Variants in KLHL1 observed in about 807,000 individuals in gnomAD.
KLHL1 encodes the protein kelch-like protein 1.
Under a neutral mutation model 77.7 loss-of-function variants are expected in KLHL1, and 47 were observed. The observed-to-expected ratio is 0.60, with a 90% confidence interval of 0.48 to 0.77. KLHL1 has a LOEUF of 0.77. KLHL1 is among the 30% of genes least tolerant of loss of function. KLHL1 has a pLI of 0.00. For synonymous variants in KLHL1, 360 were observed against 325.2 expected (o/e 1.11, Z -1.15); for missense variants, 925 against 910.8 (o/e 1.02, Z -0.20).
intron 6 of KLHL1, 98 bp from the exon 7 acceptor site, chr13:69,797,060 C>T (rs1877140123): frequency 1.1e-6 from 1 of 938,178 alleles, no homozygotes; most frequent in South Asian, 1.6e-5. Flanking sequence ...ACACTCTTGT[C>T]ATATTCATTT....
At chr13:70,011,395 C>T (rs1885530614) in intron 1 of KLHL1, among the ~76,000 whole-genome samples, 1 of 152,058 alleles carries the variant, frequency 6.6e-6, no homozygotes, top group Non-Finnish European at 1.5e-5. Context: ...TATACCTGGA[C>T]CAGATAGTAA....
intron 1 of KLHL1, among the ~76,000 whole-genome samples, chr13:70,106,398 G>A (rs962012453): frequency 3.3e-5 from 5 of 152,102 alleles, no homozygotes; most frequent in Non-Finnish European, 7.4e-5. Flanking sequence ...CTCTCAAAAT[G>A]TAAAACTTGG....
chr13:69,927,410 A>G (rs1882851157), intron 4 of KLHL1, among the ~76,000 whole-genome samples: 1 of 152,194 alleles, frequency 6.6e-6, no homozygotes, highest in Admixed American at 6.5e-5. Flanking sequence ...AAATCTGACA[A>G]CATTGAAATT....
chr13:69,736,620 C>T (rs989902798), intron 8 of KLHL1, among the ~76,000 whole-genome samples: 5 of 151,194 alleles, frequency 3.3e-5, no homozygotes, highest in African/African-American at 4.9e-5. Context: ...TTTGCAATTG[C>T]AAAAATATGG....
chr13:69,735,342 A>C (rs1202428953), intron 8 of KLHL1, among the ~76,000 whole-genome samples: 3 of 151,322 alleles, frequency 2.0e-5, no homozygotes, highest in African/African-American at 7.2e-5. Flanking sequence ...TATCACTACT[A>C]TTTAGGTAAT....
chr13:69,882,089 C>T (rs17085588), intron 5 of KLHL1, among the ~76,000 whole-genome samples, 194 bp downstream of exon 5: 7,774 of 152,020 alleles, frequency 0.051, 479 homozygotes, highest in African/African-American at 0.15. Flanking sequence ...AGTCAATAAG[C>T]GGCAGAGATA....
chr13:69,937,032 T>A (rs1883208187), intron 4 of KLHL1, among the ~76,000 whole-genome samples: 1 of 152,148 alleles, frequency 6.6e-6, no homozygotes, highest in Admixed American at 6.6e-5. Context: ...ATTGGCAAGA[T>A]CTAACCAAAA....
intron 7 of KLHL1, among the ~76,000 whole-genome samples, chr13:69,796,391 G>C (rs1398500595): frequency 1.3e-5 from 2 of 152,066 alleles, no homozygotes; most frequent in Non-Finnish European, 2.9e-5. Flanking sequence ...CTGTCCTCAT[G>C]GTAATGAGGT....
intron 7 of KLHL1, among the ~76,000 whole-genome samples, chr13:69,788,701 TC>T (rs1480459647): frequency 2.0e-5 from 3 of 151,976 alleles, no homozygotes; most frequent in African/African-American, 7.2e-5. Flanking sequence ...ATATCTTAAC[TC>T]ATAGCCTAGG....
intron 9 of KLHL1, among the ~76,000 whole-genome samples, chr13:69,708,525 T>A (rs1875732323): frequency 1.3e-5 from 2 of 151,970 alleles, no homozygotes; most frequent in Non-Finnish European, 2.9e-5. Flanking sequence ...CAACTGGGTT[T>A]AGTGACATTG....
chr13:69,784,228 A>T (rs1173038755), intron 7 of KLHL1, among the ~76,000 whole-genome samples: 1 of 152,192 alleles, frequency 6.6e-6, no homozygotes, highest in East Asian at 1.9e-4. Flanking sequence ...CACTGCAAAA[A>T]CATGCCAAAA....
At chr13:69,890,989 C>T (rs528198154) in intron 4 of KLHL1, among the ~76,000 whole-genome samples, 4 of 152,056 alleles carry the variant, frequency 2.6e-5, no homozygotes, top group South Asian at 2.1e-4. Context: ...ACAGGTTTAA[C>T]GGTGTTTTCC....
At chr13:69,975,300 C>T (rs1274111538) in intron 2 of KLHL1, among the ~76,000 whole-genome samples, 2 of 151,994 alleles carry the variant, frequency 1.3e-5, no homozygotes, top group Non-Finnish European at 2.9e-5. Flanking sequence ...ATTAGTATGA[C>T]TGTGAATCCC....
chr13:69,981,419 G>A (rs1316119762), intron 1 of KLHL1, among the ~76,000 whole-genome samples: 3 of 151,768 alleles, frequency 2.0e-5, no homozygotes, highest in Admixed American at 2.0e-4. Flanking sequence ...GTTAGCTTTT[G>A]TTTTGAGAAA....
intron 1 of KLHL1, among the ~76,000 whole-genome samples, chr13:70,019,001 A>G (rs1188081903): frequency 6.6e-6 from 1 of 152,236 alleles, no homozygotes; most frequent in African/African-American, 2.4e-5. Context: ...AACATTTCAA[A>G]TTAAATACTC....
At chr13:70,062,077 C>T (rs529291077) in intron 1 of KLHL1, among the ~76,000 whole-genome samples, 36 of 152,112 alleles carry the variant, frequency 2.4e-4, no homozygotes, top group Admixed American at 1.4e-3. Flanking sequence ...TATTCCTTAA[C>T]CAGCCTCTCC....
intron 6 of KLHL1, among the ~76,000 whole-genome samples, chr13:69,809,163 G>A (rs575131791): frequency 2.0e-5 from 3 of 152,074 alleles, no homozygotes; most frequent in African/African-American, 4.8e-5. Flanking sequence ...AAATATTTCC[G>A]CAATCTTCCT....
At chr13:69,730,212 T>A (rs960030561) in intron 8 of KLHL1, among the ~76,000 whole-genome samples, 3 of 152,104 alleles carry the variant, frequency 2.0e-5, no homozygotes, top group Non-Finnish European at 2.9e-5. Context: ...GTCACAGAGC[T>A]ATAATGCAAG....
intron 4 of KLHL1, among the ~76,000 whole-genome samples, chr13:69,928,881 A>G (rs1053073602): frequency 1.3e-5 from 2 of 152,126 alleles, no homozygotes; most frequent in Non-Finnish European, 2.9e-5. Flanking sequence ...TAAATTGTAT[A>G]ATTTTAATTG....
Sources: allele counts gnomAD v4.1 joint callset (sites outside exome capture counted in the v4.1 genomes callset), GRCh38; gene constraint gnomAD v4.1.1; transcripts MANE v1.5; gene names NCBI Gene and HGNC (gene_info 2026-07-23, HGNC 2026-07-21).